MGAM: variants seen among roughly 807,000 people sequenced by gnomAD.
The protein encoded by MGAM is alpha-1,4-glucosidase.
A neutral mutation model predicts 358.8 loss-of-function variants in MGAM; 253 were observed. The observed-to-expected ratio is 0.71, with a 90% confidence interval of 0.64 to 0.78. The LOEUF is 0.78. Among genes scored for constraint, MGAM ranks in the 30% least tolerant of loss-of-function variants. MGAM has a pLI of 0.00. For missense variants in MGAM, 3,080 were observed against 3,432.6 expected, an observed-to-expected ratio of 0.90 and a Z score of 2.57; for synonymous variants, 1,105 against 1,227.1, an observed-to-expected ratio of 0.90 and a Z score of 2.08.
intron 70 of MGAM, among the ~76,000 whole-genome samples, chr7:142,104,946 C>T (rs1816722346): frequency 1.3e-5 from 2 of 152,008 alleles, no homozygotes; most frequent in South Asian, 4.1e-4. Flanking sequence ...AGTTTTCTTT[C>T]AGTTTTGCAT....
At chr7:142,049,373 C>T (rs941545734) in intron 22 of MGAM, among the ~76,000 whole-genome samples, 1 of 152,164 alleles carries the variant, frequency 6.6e-6, no homozygotes, top group African/African-American at 2.4e-5. Flanking sequence ...GAAACAACCT[C>T]CTTGACATTA....
chr7:142,093,951 C>G (rs888500427), intron 60 of MGAM, among the ~76,000 whole-genome samples: 6 of 145,536 alleles, frequency 4.1e-5, no homozygotes, highest in African/African-American at 1.2e-4. Flanking sequence ...TTTCACCATT[C>G]TTGGTGGAGG....
intron 1 of MGAM, among the ~76,000 whole-genome samples, chr7:141,999,615 T>A (rs1804575036): frequency 6.6e-6 from 1 of 152,218 alleles, no homozygotes; most frequent in Admixed American, 6.5e-5. Context: ...TCTTAGGATA[T>A]CTGCTCAATC....
Position 142,078,971 on chromosome 7 carries a change from A to T in MGAM, c.5810A>T (p.Asp1937Val), listed in dbSNP as rs548357682. 28 of 1,555,760 alleles carry T rather than the reference A, an allele frequency of 1.8e-5. 2 individuals are homozygous for T. The highest frequency in any genetic ancestry group is 1.7e-4 in the African/African-American group (13 of 74,594). The change falls in exon 49 of 71, where the codon GAT (aspartate) becomes GTT (valine). Residue 1937 changes from aspartate to valine, a missense_variant. This residue lies in a region of MGAM where 932 missense variants were observed against 1,198.2 expected (regional missense o/e 0.78). Coordinates refer to ENST00000475668, the MANE Select transcript of MGAM (RefSeq NM_001365693.1). ...ACACCCGTGAACCCCCTTCGCCTGG[A>T]TGTCACTTACCATAAGAATGAAATG... ...PSTPVNPLRL[D>V]VTYHKNEMLQ...
intron 14 of MGAM, 141 bp from the exon 15 acceptor site, chr7:142,034,121 A>C: frequency 1.6e-6 from 1 of 607,012 alleles, no homozygotes; most frequent in Non-Finnish European, 3.0e-6. Context: ...ATAGCATTCT[A>C]ATAGTAAGGG....
chr7:142,068,541 C>A (rs2129046346), intron 42 of MGAM, 106 bp from the exon 43 acceptor site: 1 of 906,818 alleles, frequency 1.1e-6, no homozygotes, highest in Non-Finnish European at 1.7e-6. Context: ...CATGAGGCAG[C>A]TGGGTCCAAA....
chr7:142,093,996 C>T (rs1815649561), intron 60 of MGAM, among the ~76,000 whole-genome samples: 1 of 145,956 alleles, frequency 6.9e-6, no homozygotes, highest in Admixed American at 6.9e-5. Flanking sequence ...CACAGTCCTG[C>T]TTTGTAAGCT....
chr7:142,096,393 T>C lies in MGAM; in HGVS notation c.7670T>C (p.Leu2557Pro), dbSNP rs570362335. ...DSQFLLGPAF[L>P]VSPVLERNAR... ...CAGTTCCTGCTGGGCCCAGCCTTCCTGGTCAGCCCTGTCCTGGAGCGTGTG... is the reference window on the plus strand; with the variant it reads ...CAGTTCCTGCTGGGCCCAGCCTTCCCGGTCAGCCCTGTCCTGGAGCGTGTG... Residue 2557 changes from leucine to proline, a missense_variant, in exon 65 of 71, where the codon CTG becomes CCG. Physicochemically the swap from Leu to Pro is moderately conservative, Grantham distance 98. Coordinates refer to ENST00000475668, the MANE Select transcript of MGAM (RefSeq NM_001365693.1). The C allele has an allele frequency of 6.2e-7, 1 of 1,613,710 alleles. No individual in the cohort carries two copies. Among genetic ancestry groups the C allele is most frequent in the African/African-American group, 1.3e-5 (1 of 75,024 alleles).
chr7:142,099,557 G>T (rs1451333673), intron 66 of MGAM, 56 bp from the exon 67 acceptor site: 25 of 1,612,890 alleles, frequency 1.6e-5, no homozygotes, highest in Non-Finnish European at 2.1e-5. Context: ...AGGATGCATT[G>T]TTCAGGGAGG....
chr7:142,047,684 C>T, intron 21 of MGAM, 101 bp from the exon 22 acceptor site: 1 of 1,088,130 alleles, frequency 9.2e-7, no homozygotes, highest in Non-Finnish European at 1.4e-6. Context: ...CCATCTGCTG[C>T]TAGTAACTTT....
chr7:142,102,939 T>C (rs935333410), intron 69 of MGAM, among the ~76,000 whole-genome samples: 7 of 152,268 alleles, frequency 4.6e-5, no homozygotes, highest in African/African-American at 1.7e-4. Context: ...TTCTGTTATC[T>C]AGCCCTTGTT....
chr7:142,056,850 C>T lies in MGAM; in HGVS notation c.3601C>T (p.Pro1201Ser), dbSNP rs200314253. ...TTCAGATGTGACGTTCCAGCCCCTG[C>T]CTGCCTTGACATACCGCACCACAGG... ...NAMDVTFQPL[P>S]ALTYRTTGGV... Residue 1201 changes from proline (P) to serine (S), a missense_variant, in exon 30 of 71, where the codon CCT (proline) becomes TCT (serine). Around this residue, in one of 5 missense-constraint regions of MGAM, gnomAD observed 1,816 missense variants for 1,840.5 expected, o/e 0.99. Transcript: ENST00000475668. 7.7e-5 allele frequency: 125 copies of T among 1,613,712 alleles called. No individual in the cohort carries two copies. The highest frequency in any genetic ancestry group is 2.7e-4 in the Admixed American group (16 of 60,006).
intron 57 of MGAM, among the ~76,000 whole-genome samples, chr7:142,090,380 C>A (rs1815263254): frequency 6.9e-6 from 1 of 145,160 alleles, no homozygotes; most frequent in Non-Finnish European, 1.6e-5. Flanking sequence ...TCGTTTCTAA[C>A]CCTTCCTGAT....
chr7:142,057,550 T>G (rs1008575678), intron 30 of MGAM, among the ~76,000 whole-genome samples: 6 of 39,580 alleles, frequency 1.5e-4, no homozygotes, highest in Admixed American at 4.0e-4. Flanking sequence ...GTGGTGGGGG[T>G]GGTAGTGGGG....
intron 2 of MGAM, among the ~76,000 whole-genome samples, chr7:141,989,017 G>A (rs987220431): frequency 1.3e-5 from 2 of 152,062 alleles, no homozygotes; most frequent in Non-Finnish European, 2.9e-5. Flanking sequence ...AAAAATTAAT[G>A]TTTGTAGGCT....
Position 142,030,389 on chromosome 7 carries a change from A to C in MGAM, c.1249A>C (p.Met417Leu). 1 of 1,613,410 alleles carries C rather than the reference A, an allele frequency of 6.2e-7. No individual in the cohort carries two copies. The highest frequency in any genetic ancestry group is 1.1e-5 in the South Asian group (1 of 91,040). The change falls in exon 11 of 71, where the codon ATG (methionine) becomes CTG (leucine). Residue 417 changes from methionine (M) to leucine (L), a missense_variant. Met to Leu is a conservative substitution (Grantham distance 15). This residue lies in a region of MGAM where 1,816 missense variants were observed against 1,840.5 expected (regional missense o/e 0.99). Transcript: ENST00000475668. ...YDVQHADIDY[M>L]DERRDFTYDS... ...TGTTCAGCATGCTGATATTGATTAT[A>C]TGGATGAGAGAAGGGACTTCACTTA...
intron 19 of MGAM, 26 bp from the exon 20 acceptor site, chr7:142,040,089 G>C: frequency 6.4e-7 from 1 of 1,568,976 alleles, no homozygotes; most frequent in Non-Finnish European, 8.8e-7. Context: ...TTTCCCTCAG[G>C]GGACACTACA....
At chr7:142,103,527 C>A in intron 70 of MGAM, 88 bp downstream of exon 70, 4 of 1,274,658 alleles carry the variant, frequency 3.1e-6, no homozygotes, top group Non-Finnish European at 4.2e-6. Flanking sequence ...CAAATGATGC[C>A]CTCTCCTGCC....
chr7:142,094,778 A>T lies in MGAM; in HGVS notation c.7373A>T (p.Asp2458Val). 6.2e-7 allele frequency: 1 copy of T among 1,613,606 alleles called. No individual in the cohort carries two copies. Among genetic ancestry groups the T allele is most frequent in the South Asian group, 1.1e-5 (1 of 91,062 alleles). The part of the protein sequence containing the change: ...TGADICGFFQ[D>V]AEYEMCVRWM... ...GCAGATATCTGTGGGTTCTTTCAAG[A>T]TGCTGAATATGAGATGTGTGTTCGC... The change falls in exon 63 of 71, where the codon GAT becomes GTT. Residue 2458 changes from aspartate to valine, a missense_variant. Transcript: ENST00000475668.
Sources: allele counts gnomAD v4.1 joint callset (sites outside exome capture counted in the v4.1 genomes callset), GRCh38; gene constraint gnomAD v4.1.1; regional missense constraint gnomAD v4.1.1; transcripts MANE v1.5; gene names NCBI Gene and HGNC (gene_info 2026-07-23, HGNC 2026-07-21).